TMEM185A: variants seen among roughly 807,000 people sequenced by gnomAD.
TMEM185A encodes family with sequence similarity 11, member A.
TMEM185A carries 9 observed loss-of-function variants against 25.0 expected under a neutral mutation model. That is an observed-to-expected ratio of 0.36 (90% CI 0.22 to 0.63). The LOEUF is 0.63. Ranked by LOEUF, TMEM185A falls within the 20% of genes least tolerant of loss-of-function variation. TMEM185A has a pLI of 0.68. For missense variants in TMEM185A, 103 were observed against 237.4 expected (o/e 0.43, Z 3.72); for synonymous variants, 45 against 93.5 (o/e 0.48, Z 2.99).
At position 149,599,467 on chromosome X, in the gene TMEM185A, C is replaced by A. The variant is rs782805873; in HGVS notation, c.808+87G>T. The A allele has an allele frequency of 1.0e-5, 9 of 877,213 alleles. No individual in the cohort carries two copies. In the South Asian group the frequency reaches 1.7e-4, roughly 17 times the overall value. 72.3% of individuals were successfully genotyped at this position (877,213 alleles called of 1,213,427 possible). On this transcript the variant is annotated intron_variant, in intron 6 of 6. Coordinates refer to ENST00000600449, the MANE Select transcript of TMEM185A (RefSeq NM_032508.4). ...TAAATTGGGGCCCTCGGGGACTCAT[C>A]CCTTCCTAGACTTCTATCCGCCACC...
intron 3 of TMEM185A, among the ~76,000 whole-genome samples, chrX:149,608,009 T>C (rs2090061290): frequency 8.9e-6 from 1 of 112,022 alleles, no homozygotes; most frequent in Non-Finnish European, 1.9e-5. Context: ...GTCTCCAGCC[T>C]GTTCACCTGC....
At chrX:149,613,450 G>C (rs1400951641) in intron 1 of TMEM185A, among the ~76,000 whole-genome samples, 6 of 112,048 alleles carry the variant, frequency 5.4e-5, no homozygotes, top group Non-Finnish European at 1.1e-4. Flanking sequence ...ACTCGCAGCT[G>C]ACAGCCAGCA....
intron 1 of TMEM185A, among the ~76,000 whole-genome samples, chrX:149,614,422 A>C (rs1379144734): frequency 8.9e-6 from 1 of 112,003 alleles, no homozygotes; most frequent in Non-Finnish European, 1.9e-5. Flanking sequence ...AGCAGTACTT[A>C]AGGGAAATTT....
chrX:149,611,535 AG>A (rs1289542724), intron 1 of TMEM185A, 72 bp from the exon 2 acceptor site: 9 of 981,136 alleles, frequency 9.2e-6, no homozygotes, highest in Non-Finnish European at 1.2e-5. Flanking sequence ...GGGAGTAATA[AG>A]AGCCACATTT....
At chrX:149,618,787 C>A (rs2090124200) in intron 1 of TMEM185A, among the ~76,000 whole-genome samples, 1 of 111,528 alleles carries the variant, frequency 9.0e-6, no homozygotes, top group South Asian at 3.8e-4. Flanking sequence ...TTTCCAAAAC[C>A]AACACAAATT....
At chrX:149,628,567 T>C (rs1316029617) in intron 1 of TMEM185A, among the ~76,000 whole-genome samples, 1 of 112,295 alleles carries the variant, frequency 8.9e-6, no homozygotes, top group African/African-American at 3.2e-5. Flanking sequence ...TTGTGAATCA[T>C]TCTCTGTCAC....
chrX:149,615,885 T>C (rs1241921203), intron 1 of TMEM185A, among the ~76,000 whole-genome samples: 1 of 111,882 alleles, frequency 8.9e-6, no homozygotes, highest in East Asian at 2.8e-4. Flanking sequence ...ACAACAGAAA[T>C]TTATTCCTCA....
chrX:149,631,604 C>A lies in TMEM185A; in HGVS notation c.-24G>T. 9.0e-7 allele frequency: 1 copy of A among 1,115,653 alleles called. No individual in the cohort carries two copies. 91.9% of individuals were successfully genotyped at this position (1,115,653 alleles called of 1,213,427 possible). A position where few individuals can be genotyped will look rare whatever the true frequency, so the allele number is the denominator to read the frequency against. On this transcript the variant is annotated 5_prime_UTR_variant, in exon 1 of 7. Coordinates refer to ENST00000600449, the MANE Select transcript of TMEM185A (RefSeq NM_032508.4). ...ATGGCGGAGAACTTCACCGCGGCGT[C>A]CTCCTCCTCCTCCCCCGCACCCCGT...
chrX:149,614,754 CA>C lies in TMEM185A; in HGVS notation c.39-3292del, dbSNP rs1557354868. ...ATATCAAGAATGAAAACAGGGATAT[CA>C]CTACAAATCCTAATAATACTAAAGG... On this transcript the variant is annotated intron_variant, in intron 1 of 6. Coordinates refer to ENST00000600449, the MANE Select transcript of TMEM185A (RefSeq NM_032508.4). 7.2e-5 allele frequency among the ~76,000 whole-genome samples: 8 copies of C among 111,570 alleles called. No individual in the cohort carries two copies. In the East Asian group the frequency reaches 1.1e-3, roughly 16 times the overall value.
intron 6 of TMEM185A, 49 bp downstream of exon 6, chrX:149,599,505 G>GGGC: frequency 1.2e-5 from 10 of 838,680 alleles, no homozygotes; most frequent in South Asian, 2.6e-5. Flanking sequence ...CCACCCCCTG[G>GGGC]TCCCCCCCCA....
intron 1 of TMEM185A, among the ~76,000 whole-genome samples, chrX:149,625,028 T>C (rs2090157017): frequency 8.9e-6 from 1 of 112,478 alleles, no homozygotes; most frequent in Admixed American, 9.4e-5. Flanking sequence ...TTGTAGGTAA[T>C]AATCTCATTT....
chrX:149,607,808 A>G (rs906288024), intron 3 of TMEM185A, among the ~76,000 whole-genome samples: 7 of 111,976 alleles, frequency 6.3e-5, no homozygotes, highest in African/African-American at 2.3e-4. Context: ...TGGCTGGGCT[A>G]TAGTACCCAG....
At chrX:149,610,514 T>C (rs1156428581) in intron 2 of TMEM185A, among the ~76,000 whole-genome samples, 1 of 107,260 alleles carries the variant, frequency 9.3e-6, no homozygotes, top group African/African-American at 3.4e-5. Context: ...CTTCTGGGAA[T>C]TCCTGTACTC....
At chrX:149,619,704 C>G (rs1557355382) in intron 1 of TMEM185A, among the ~76,000 whole-genome samples, 1 of 106,896 alleles carries the variant, frequency 9.4e-6, no homozygotes, top group Non-Finnish European at 1.9e-5. Context: ...TTCCTGTGTC[C>G]ATGTGTTCTC....
chrX:149,621,720 A>G (rs2090140767), intron 1 of TMEM185A, among the ~76,000 whole-genome samples: 1 of 111,813 alleles, frequency 8.9e-6, no homozygotes, highest in South Asian at 3.7e-4. Context: ...TTCTAGCTCT[A>G]GAGGCTGCCA....
chrX:149,610,044 CTGTG>C (rs1468736035), intron 2 of TMEM185A, among the ~76,000 whole-genome samples: 8 of 111,785 alleles, frequency 7.2e-5, no homozygotes, highest in African/African-American at 2.6e-4. Context: ...CCAAGGCTCT[CTGTG>C]TAACTGTTTT....
At position 149,611,680 on chromosome X, in the gene TMEM185A, T is replaced by C. The variant is rs782557118; in HGVS notation, c.39-217A>G. ...TCTCCTGCTTTCCAAGGCTTCCTCA[T>C]AGAAGGAAGACCACACAGAAACATA... is the stretch of plus-strand genomic sequence containing the variant. On this transcript the variant is annotated intron_variant, in intron 1 of 6. Transcript: ENST00000600449. 9.8e-5 allele frequency among the ~76,000 whole-genome samples: 11 copies of C among 112,111 alleles called. No individual in the cohort carries two copies. The South Asian group carries it at 1.9e-3, about 19-fold the overall frequency.
intron 1 of TMEM185A, among the ~76,000 whole-genome samples, chrX:149,618,481 G>A (rs782147424): frequency 1.3e-4 from 15 of 111,274 alleles, no homozygotes; most frequent in Non-Finnish European, 2.5e-4. Flanking sequence ...GCAATAATAT[G>A]TACCTCATAA....
chrX:149,623,208 T>C (rs1557355675), intron 1 of TMEM185A, among the ~76,000 whole-genome samples: 1 of 112,122 alleles, frequency 8.9e-6, no homozygotes, highest in African/African-American at 3.2e-5. Context: ...ACAGAATACT[T>C]TCTATAAATC....
Sources: allele counts gnomAD v4.1 joint callset (sites outside exome capture counted in the v4.1 genomes callset), GRCh38; gene constraint gnomAD v4.1.1; transcripts MANE v1.5; gene names NCBI Gene and HGNC (gene_info 2026-07-23, HGNC 2026-07-21).